CDH18: variants seen among roughly 807,000 people sequenced by gnomAD.
CDH18 encodes the protein cadherin 18, also known as cadherin-18.
In CDH18, 31 loss-of-function variants were observed where a neutral mutation model predicts 67.9. The ratio of observed to expected loss-of-function variants is 0.46; its 90% confidence interval spans 0.34 to 0.62. CDH18 has a LOEUF of 0.62. Ranked by LOEUF, CDH18 falls within the 20% of genes least tolerant of loss-of-function variation. The pLI is 0.01. For missense variants in CDH18, 890 were observed against 975.5 expected (o/e 0.91, Z 1.17); for synonymous variants, 362 against 347.2 (o/e 1.04, Z -0.48).
intron 2 of CDH18, among the ~76,000 whole-genome samples, chr5:20,154,637 T>C (rs1438895540): frequency 2.6e-5 from 4 of 152,168 alleles, no homozygotes; most frequent in Non-Finnish European, 5.9e-5. Context: ...TGCCATTCTT[T>C]ATGATTATTG....
intron 11 of CDH18, among the ~76,000 whole-genome samples, chr5:19,491,449 T>C (rs1741449837): frequency 6.6e-6 from 1 of 152,196 alleles, no homozygotes; most frequent in Non-Finnish European, 1.5e-5. Flanking sequence ...AAAAATAAAC[T>C]ACGGGAATGT....
At chr5:19,566,299 T>C (rs1037088194) in intron 8 of CDH18, among the ~76,000 whole-genome samples, 1 of 152,140 alleles carries the variant, frequency 6.6e-6, no homozygotes, top group Admixed American at 6.5e-5. Context: ...GTACAACCAC[T>C]ATGGAGAACA....
chr5:20,176,972 T>C (rs1200422829), intron 2 of CDH18, among the ~76,000 whole-genome samples: 1 of 152,124 alleles, frequency 6.6e-6, no homozygotes, highest in African/African-American at 2.4e-5. Flanking sequence ...TTCTCTGATA[T>C]TATAACAGAG....
At chr5:20,442,888 C>T (rs920114743) in intron 1 of CDH18, among the ~76,000 whole-genome samples, 13 of 151,848 alleles carry the variant, frequency 8.6e-5, no homozygotes, top group African/African-American at 3.2e-4. Context: ...TAAAAAGCAA[C>T]TCAGATACTA....
At chr5:20,399,627 T>C (rs1466267863) in intron 1 of CDH18, among the ~76,000 whole-genome samples, 4 of 152,188 alleles carry the variant, frequency 2.6e-5, no homozygotes, top group African/African-American at 9.6e-5. Flanking sequence ...ATTTTAGAGA[T>C]ATTAAGAGTA....
intron 1 of CDH18, among the ~76,000 whole-genome samples, chr5:20,335,451 C>A (rs931556552): frequency 3.3e-5 from 5 of 151,846 alleles, no homozygotes; most frequent in Admixed American, 1.3e-4. Flanking sequence ...CTCTGTTGCC[C>A]AGGGTAGTCT....
chr5:20,490,882 T>C (rs1312541200), intron 1 of CDH18, among the ~76,000 whole-genome samples: 1 of 152,134 alleles, frequency 6.6e-6, no homozygotes, highest in African/African-American at 2.4e-5. Context: ...TTAGCTCTTC[T>C]CATAATTACC....
intron 2 of CDH18, among the ~76,000 whole-genome samples, chr5:19,933,090 G>T (rs1171180722): frequency 6.6e-6 from 1 of 151,280 alleles, no homozygotes; most frequent in Non-Finnish European, 1.5e-5. Context: ...TCTACTGGCT[G>T]GTACTTTTGT....
chr5:20,256,547 G>A (rs889187078), intron 1 of CDH18, among the ~76,000 whole-genome samples: 4 of 151,972 alleles, frequency 2.6e-5, no homozygotes, highest in Non-Finnish European at 5.9e-5. Context: ...CATAACAAAA[G>A]AGACAAAAGA....
At chr5:19,925,430 C>A (rs552484030) in intron 2 of CDH18, among the ~76,000 whole-genome samples, 1 of 152,228 alleles carries the variant, frequency 6.6e-6, no homozygotes, top group African/African-American at 2.4e-5. Context: ...TTACTGTGAT[C>A]CGCAATTTAT....
At chr5:19,793,649 G>T (rs1269707369) in intron 3 of CDH18, among the ~76,000 whole-genome samples, 3 of 152,038 alleles carry the variant, frequency 2.0e-5, no homozygotes, top group Admixed American at 1.3e-4. Context: ...AGTTTAATGA[G>T]TGAAACTTAG....
chr5:19,733,521 C>G (rs1313602954), intron 4 of CDH18, among the ~76,000 whole-genome samples: 2 of 152,048 alleles, frequency 1.3e-5, no homozygotes, highest in Non-Finnish European at 2.9e-5. Context: ...CCTTCACTAC[C>G]CTTCAACTAT....
intron 2 of CDH18, among the ~76,000 whole-genome samples, chr5:19,846,110 T>C (rs764607817): frequency 1.3e-5 from 2 of 152,058 alleles, no homozygotes; most frequent in African/African-American, 2.4e-5. Context: ...CCTTGCTTTG[T>C]GTTTTTTTAA....
chr5:20,066,762 CA>C (rs1399102128), intron 2 of CDH18, among the ~76,000 whole-genome samples: 1 of 151,768 alleles, frequency 6.6e-6, no homozygotes, highest in Non-Finnish European at 1.5e-5. Context: ...AGATCCTCAG[CA>C]AAAGTTTTCT....
intron 1 of CDH18, among the ~76,000 whole-genome samples, chr5:20,327,318 T>C (rs1369113756): frequency 2.6e-5 from 4 of 152,236 alleles, no homozygotes; most frequent in African/African-American, 9.6e-5. Context: ...ACTTATCTTA[T>C]GTAAAATGTA....
At chr5:19,715,329 C>G (rs1765212694) in intron 5 of CDH18, among the ~76,000 whole-genome samples, 1 of 152,118 alleles carries the variant, frequency 6.6e-6, no homozygotes, top group Non-Finnish European at 1.5e-5. Context: ...TCATTGAGGT[C>G]TTTAACTGAG....
chr5:20,241,810 C>T (rs1742921354), intron 2 of CDH18, among the ~76,000 whole-genome samples: 1 of 149,556 alleles, frequency 6.7e-6, no homozygotes, highest in South Asian at 2.1e-4. Flanking sequence ...CAAGATTGCG[C>T]CACTGCACTC....
At chr5:19,915,415 T>C (rs1453513106) in intron 2 of CDH18, among the ~76,000 whole-genome samples, 2 of 152,160 alleles carry the variant, frequency 1.3e-5, no homozygotes, top group Non-Finnish European at 2.9e-5. Flanking sequence ...CTTTTGACTT[T>C]CCAAAACTTA....
intron 2 of CDH18, among the ~76,000 whole-genome samples, chr5:19,901,764 T>C (rs1789962550): frequency 6.6e-6 from 1 of 151,976 alleles, no homozygotes; most frequent in East Asian, 1.9e-4. Flanking sequence ...TTCCATATTA[T>C]GGCAATTTGT....
Sources: allele counts gnomAD v4.1 joint callset (sites outside exome capture counted in the v4.1 genomes callset), GRCh38; gene constraint gnomAD v4.1.1; transcripts MANE v1.5; gene names NCBI Gene and HGNC (gene_info 2026-07-23, HGNC 2026-07-21).